Variants in DUS3L observed in about 807,000 individuals in gnomAD.
The protein encoded by DUS3L is dihydrouridine synthase 3 like, also known as tRNA-dihydrouridine(47) synthase [NAD(P)(+)]-like.
A neutral mutation model predicts 74.6 loss-of-function variants in DUS3L; 62 were observed. That is an observed-to-expected ratio of 0.83 (90% confidence interval 0.68 to 1.03). The LOEUF (loss-of-function observed/expected upper bound fraction) is 1.03, where lower values mean the gene tolerates loss of function less well. Among genes scored for constraint, DUS3L ranks in the 50% least tolerant of loss-of-function variants. DUS3L has a pLI of 0.00. For synonymous variants in DUS3L, 433 were observed against 395.7 expected (o/e 1.09, Z -1.12); for missense variants, 884 against 924.4 (o/e 0.96, Z 0.57).
In DUS3L at chr19:5,785,224, G is replaced by A. The variant is rs370795072; in HGVS notation, c.1932C>T (p.His644=). The change falls in exon 13 of 13, where the codon CAC becomes CAT. Residue 644 remains histidine (H), a synonymous_variant. Coordinates refer to ENST00000309061, the MANE Select transcript of DUS3L (RefSeq NM_020175.3). The part of the protein sequence containing the change: ...VPPSFAFLPK[H]KANAYK ...GAGGCTACTTGTACGCGTTGGCCTTGTGCTTCGGCAAGAAGGCGAAGCTGG... is the reference window on the plus strand; with the variant it reads ...GAGGCTACTTGTACGCGTTGGCCTTATGCTTCGGCAAGAAGGCGAAGCTGG... 1.7e-5 allele frequency: 27 copies of A among 1,609,738 alleles called. No individual in the cohort carries two copies. Among genetic ancestry groups the A allele is most frequent in the Admixed American group, 1.0e-4 (6 of 59,460 alleles).
chr19:5,788,956 C>G (rs2056881825), intron 3 of DUS3L, among the ~76,000 whole-genome samples: 1 of 152,194 alleles, frequency 6.6e-6, no homozygotes, highest in Admixed American at 6.5e-5. Flanking sequence ...ATCTGCCTGC[C>G]TCAGCCTCCC....
At chr19:5,787,935 G>T in intron 5 of DUS3L, 89 bp downstream of exon 5, 1 of 1,559,396 alleles carries the variant, frequency 6.4e-7, no homozygotes, top group Admixed American at 1.8e-5. Flanking sequence ...AGGGGGTCAG[G>T]GAGGCAACCA....
chr19:5,788,577 C>T (rs530215354), intron 3 of DUS3L, among the ~76,000 whole-genome samples, 179 bp from the exon 4 acceptor site: 1 of 152,160 alleles, frequency 6.6e-6, no homozygotes, highest in Non-Finnish European at 1.5e-5. Context: ...TCCTCATCGT[C>T]TCCTCCACTG....
intron 2 of DUS3L, 111 bp from the exon 3 acceptor site, chr19:5,789,830 G>A (rs1222262403): frequency 4.2e-6 from 6 of 1,417,522 alleles, no homozygotes; most frequent in Non-Finnish European, 3.8e-6. Flanking sequence ...CCCTGAGCAA[G>A]TCAGGCACCT....
chr19:5,787,592 C>T lies in DUS3L; in HGVS notation c.1209G>A (p.Lys403=). The part of the protein sequence containing the change: ...NVGCPIDLVY[K]KGGGCALMNR... ...GGCACACGTCCAGGGCCGCTACCTT[C>T]TTGTACACGAGGTCGATGGGGCAGC... Residue 403 remains lysine, a synonymous_variant, in exon 6 of 13, where the codon AAG becomes AAA. Transcript: ENST00000309061. 2 of 1,613,332 alleles carry T rather than the reference C, an allele frequency of 1.2e-6. No homozygotes were observed. Among genetic ancestry groups the T allele is most frequent in the Non-Finnish European group, 1.7e-6 (2 of 1,179,888 alleles).
chr19:5,786,097 G>T (rs984482914), intron 10 of DUS3L: 33 of 482,584 alleles, frequency 6.8e-5, no homozygotes, highest in Non-Finnish European at 8.5e-5. Flanking sequence ...GATTACAGGC[G>T]TGTACCACTA....
Position 5,785,397 on chromosome 19 carries a change from G to T in DUS3L, c.1866C>A (p.Asp622Glu). ...CACCCAGGCACCTGATGCGGATCCAGTCGGCTGCCTTCTGGCTGGCCATCA... is the reference window on the plus strand; with the variant it reads ...CACCCAGGCACCTGATGCGGATCCATTCGGCTGCCTTCTGGCTGGCCATCA... ...ETLMASQKAA[D>E]WIRISEMLLG... is the part of the protein sequence containing the mutation. The change falls in exon 12 of 13, where the codon GAC (aspartate) becomes GAA (glutamate). Residue 622 changes from aspartate (D) to glutamate (E), a missense_variant. Transcript: ENST00000309061. 1 of 1,596,972 alleles carries T rather than the reference G, an allele frequency of 6.3e-7. No homozygotes were observed. Among genetic ancestry groups the T allele is most frequent in the Non-Finnish European group, 8.5e-7 (1 of 1,171,244 alleles).
rs1039277401 is a variant in DUS3L at position 5,789,419 on chromosome 19, G to C, written c.688C>G (p.Gln230Glu). ...KREVRFERAEQALRRFSQGPT... is the reference protein window; with the variant it reads ...KREVRFERAEEALRRFSQGPT... ...CCCTGGCTGAACCGGCGCAGGGCCT[G>C]CTCAGCTCGCTCGAAGCGGACCTCG... Residue 230 changes from glutamine (Q) to glutamate (E), a missense_variant, in exon 3 of 13, where the codon CAG becomes GAG. Physicochemically the swap from Gln to Glu is conservative, Grantham distance 29. Transcript: ENST00000309061. 6.3e-7 allele frequency: 1 copy of C among 1,596,134 alleles called. No homozygotes were observed. Among genetic ancestry groups the C allele is most frequent in the African/African-American group, 1.3e-5 (1 of 74,796 alleles).
At chr19:5,785,312 G>T in intron 12 of DUS3L, 37 bp from the exon 13 acceptor site, 1 of 1,609,720 alleles carries the variant, frequency 6.2e-7, no homozygotes. Flanking sequence ...GTCAGGCCCA[G>T]GACCTGCAAA....
At position 5,785,174 on chromosome 19, in the gene DUS3L, C is replaced by T. The variant is rs1207993581; in HGVS notation, c.*29G>A. The T allele has an allele frequency of 1.3e-6, 2 of 1,581,682 alleles. No individual in the cohort carries two copies. Among genetic ancestry groups the T allele is most frequent in the East Asian group, 2.3e-5 (1 of 43,628 alleles). Reference sequence around the variant, plus strand: ...AATAAAATTTATTGTACTCTCCTCGCCCCAGGGTGCCCCTGGGAAAGCCTG... The same window carrying T: ...AATAAAATTTATTGTACTCTCCTCGTCCCAGGGTGCCCCTGGGAAAGCCTG... On this transcript the variant is annotated 3_prime_UTR_variant, in exon 13 of 13. Transcript: ENST00000309061.
At chr19:5,787,912 C>A in intron 5 of DUS3L, 112 bp downstream of exon 5, 1 of 1,519,104 alleles carries the variant, frequency 6.6e-7, no homozygotes, top group South Asian at 1.2e-5. Flanking sequence ...ACCCCCACTC[C>A]ACAGCTGAGG....
chr19:5,785,354 A>G (rs1372651218), intron 12 of DUS3L, 29 bp downstream of exon 12: 2 of 1,604,966 alleles, frequency 1.2e-6, no homozygotes, highest in Non-Finnish European at 1.7e-6. Flanking sequence ...CCCCGACTGC[A>G]GCTCCCCAAC....
intron 3 of DUS3L, 32 bp downstream of exon 3, chr19:5,789,175 G>A (rs2144736180): frequency 1.3e-6 from 2 of 1,509,002 alleles, no homozygotes; most frequent in South Asian, 1.3e-5. Flanking sequence ...CAGATGGACA[G>A]ATCTGCTACT....
rs185026554 is a variant in DUS3L, at chr19:5,789,598, C to G, written c.509G>C (p.Arg170Pro). Residue 170 changes from arginine to proline, a missense_variant, in exon 3 of 13, where the codon CGG (arginine) becomes CCG (proline). By Grantham distance (103) the Arg-to-Pro change is moderately radical (BLOSUM62 -2). Coordinates refer to ENST00000309061, the MANE Select transcript of DUS3L (RefSeq NM_020175.3). The part of the protein sequence containing the change: ...PRCVLFETFG[R>P]CPYGVTCRFA... ...GCGGCAGGTCACGCCGTAGGGGCAC[C>G]GGCCGAAGGTCTCGAAGAGCACGCA... 6.3e-7 allele frequency: 1 copy of G among 1,587,750 alleles called. No homozygotes were observed. The highest frequency in any genetic ancestry group is 8.5e-7 in the Non-Finnish European group (1 of 1,169,606).
rs201292528 is a variant in DUS3L, at chr19:5,787,714, G to A, written c.1096-9C>T. 5.0e-6 allele frequency: 8 copies of A among 1,612,328 alleles called. No homozygotes were observed. In the East Asian group the frequency reaches 1.3e-4, roughly 27 times the overall value. The stretch of plus-strand genomic sequence containing the variant: ...GGGAAGGCGCCCTCCAGCTGTAGGT[G>A]GGTAGTGGCAGAACAGGAGGGTGAG... On this transcript the variant is annotated splice_polypyrimidine_tract_variant and intron_variant, in intron 5 of 12. Transcript: ENST00000309061.
chr19:5,787,099 G>A lies in DUS3L; in HGVS notation c.1351C>T (p.Leu451=). The change falls in exon 8 of 13, where the codon CTG becomes TTG. Residue 451 remains leucine, a synonymous_variant. Transcript: ENST00000309061. The stretch of plus-strand genomic sequence containing the variant: ...ACGCCCCAGTCCCGCAGCTCGGGCA[G>A]CAGGCGGTGCGCCAGGTTCACACGC... ...QERVNLAHRL[L]PELRDWGVAL... is the part of the protein sequence containing the mutation. 1 of 1,558,598 alleles carries A rather than the reference G, an allele frequency of 6.4e-7. No individual in the cohort carries two copies.
In DUS3L at chr19:5,787,314, G is replaced by A. The variant is rs755431326; in HGVS notation, c.1260C>T (p.Ile420=). Residue 420 remains isoleucine, a synonymous_variant, in exon 7 of 13, where the codon ATC becomes ATT. Transcript: ENST00000309061. The stretch of plus-strand genomic sequence containing the variant: ...GCCGTACCTGGTTCATGCCACGGAC[G>A]ATCTGCTGGAACTTGGTGGAGCGAT... ...LMNRSTKFQQ[I]VRGMNQVLDV... is the part of the protein sequence containing the mutation. 89 of 1,604,558 alleles carry A rather than the reference G, an allele frequency of 5.5e-5. No individual in the cohort carries two copies. In the East Asian group the frequency reaches 5.6e-4, roughly 10 times the overall value.
In DUS3L at chr19:5,788,026, G is replaced by A. The variant is rs1378633494; in HGVS notation, c.1093C>T (p.Gln365Ter). 1.2e-6 allele frequency: 2 copies of A among 1,612,856 alleles called. No individual in the cohort carries two copies. Among genetic ancestry groups the A allele is most frequent in the South Asian group, 2.2e-5 (2 of 91,058 alleles). The change falls in exon 5 of 13, where the codon CAG (glutamine) becomes TAG (stop). Residue 365 changes from glutamine (Q) to a stop codon, truncating the protein, a stop_gained and splice_region_variant. Coordinates refer to ENST00000309061, the MANE Select transcript of DUS3L (RefSeq NM_020175.3). LOFTEE classifies it high-confidence loss of function. Reference protein sequence around the residue: ...RHQCEDIFGVQLEGAFPDTMT... With the variant: ...RHQCEDIFGV ...CCTCCCTCGGGGTGGGCACTGACCTGGACGCCAAAGATGTCCTCACACTGG... is the reference window on the plus strand; with the variant it reads ...CCTCCCTCGGGGTGGGCACTGACCTAGACGCCAAAGATGTCCTCACACTGG...
intron 10 of DUS3L, 85 bp from the exon 11 acceptor site, chr19:5,785,876 C>T (rs921643517): frequency 2.5e-5 from 35 of 1,418,076 alleles, no homozygotes; most frequent in Middle Eastern, 2.6e-4. Flanking sequence ...TGGCCTGAGC[C>T]GGAGCCCAGA....
Sources: gnomAD v4.1 joint callset for allele counts (sites outside exome capture counted in the v4.1 genomes callset) on GRCh38, gnomAD v4.1.1 for gene constraint, MANE v1.5 for transcripts, NCBI Gene and HGNC (gene_info 2026-07-23, HGNC 2026-07-21) for gene names.